NRG1: variants seen among roughly 807,000 people sequenced by gnomAD.
NRG1 encodes neuregulin 1.
A neutral mutation model predicts 63.8 loss-of-function variants in NRG1; 18 were observed. That is an observed-to-expected ratio of 0.28 (90% CI 0.19 to 0.42). The LOEUF is 0.42. NRG1 is among the 10% of genes least tolerant of loss of function. The pLI is 1.00. For missense variants in NRG1, 762 were observed against 814.7 expected (o/e 0.94, Z 0.79); for synonymous variants, 302 against 301.3 (o/e 1.00, Z -0.02).
chr8:32,703,458 G>A (rs1193932547), intron 5 of NRG1, among the ~76,000 whole-genome samples: 15 of 141,744 alleles, frequency 1.1e-4, no homozygotes, highest in East Asian at 8.2e-4. Context: ...TCGCTGTGTC[G>A]CTCAGGCTGG....
rs894963215 is a variant in NRG1, at chr8:32,070,029, C to A, written c.37+430598C>A. ...TAAAGGATAGCCCTGTGAATCTACT[C>A]AAATAGTATCTTTATTTAAGATGTC... On this transcript the variant is annotated intron_variant, in intron 1 of 10. Coordinates refer to the NRG1 transcript ENST00000519301. Among the ~76,000 whole-genome samples, 9 of 152,256 alleles carry A rather than the reference C, an allele frequency of 5.9e-5. No individual in the cohort carries two copies. The East Asian group carries it at 1.7e-3, about 29-fold the overall frequency.
intron 1 of NRG1, among the ~76,000 whole-genome samples, chr8:31,860,811 A>C (rs1352679431): frequency 6.6e-6 from 1 of 152,200 alleles, no homozygotes; most frequent in African/African-American, 2.4e-5. Context: ...AACTTATTTT[A>C]ATAGTTACTT....
At chr8:32,442,594 T>G (rs773055350) in intron 1 of NRG1, 2 of 152,194 alleles carry the variant, frequency 1.3e-5, no homozygotes, top group Admixed American at 6.5e-5. Flanking sequence ...TTTTAAAAAT[T>G]TTCAGATGCT....
At chr8:31,731,148 G>A (rs1814005509) in intron 1 of NRG1, among the ~76,000 whole-genome samples, 1 of 151,996 alleles carries the variant, frequency 6.6e-6, no homozygotes. Flanking sequence ...TTACAAATGA[G>A]CAGACCCAAC....
intron 1 of NRG1, among the ~76,000 whole-genome samples, chr8:31,920,698 G>A (rs1833825255): frequency 6.6e-6 from 1 of 152,080 alleles, no homozygotes; most frequent in African/African-American, 2.4e-5. Context: ...TGGTTTGTCT[G>A]TTTCCCTTGC....
chr8:32,561,608 A>T (rs1052581730), intron 1 of NRG1, among the ~76,000 whole-genome samples: 1 of 152,222 alleles, frequency 6.6e-6, no homozygotes, highest in Non-Finnish European at 1.5e-5. Flanking sequence ...AATTATGTGC[A>T]TGCAAAAAAG....
chr8:31,896,755 A>G (rs1211875725), intron 1 of NRG1, among the ~76,000 whole-genome samples: 1 of 152,160 alleles, frequency 6.6e-6, no homozygotes, highest in African/African-American at 2.4e-5. Context: ...CAAGACCTCA[A>G]CCTAATTGAT....
intron 1 of NRG1, among the ~76,000 whole-genome samples, chr8:32,069,335 A>G (rs1825389591): frequency 6.6e-6 from 1 of 152,224 alleles, no homozygotes; most frequent in Non-Finnish European, 1.5e-5. Flanking sequence ...CATCAATATC[A>G]TTGAGCACGG....
chr8:32,750,147 A>G (rs1485213987), intron 7 of NRG1, among the ~76,000 whole-genome samples: 1 of 152,202 alleles, frequency 6.6e-6, no homozygotes, highest in Admixed American at 6.5e-5. Flanking sequence ...ATACTCAAGC[A>G]CCACCCTAGT....
At chr8:31,777,715 A>G (rs1292242149) in intron 1 of NRG1, among the ~76,000 whole-genome samples, 1 of 152,210 alleles carries the variant, frequency 6.6e-6, no homozygotes, top group Non-Finnish European at 1.5e-5. Context: ...CACCCATGGC[A>G]GAAGGAAAAA....
At chr8:32,376,394 G>A (rs1191629320) in intron 1 of NRG1, among the ~76,000 whole-genome samples, 1 of 152,090 alleles carries the variant, frequency 6.6e-6, no homozygotes, top group Non-Finnish European at 1.5e-5. Flanking sequence ...GCCTAGGGCT[G>A]TCAATCAATG....
At chr8:31,809,085 T>A (rs1268760529) in intron 1 of NRG1, among the ~76,000 whole-genome samples, 5 of 151,976 alleles carry the variant, frequency 3.3e-5, no homozygotes, top group African/African-American at 9.7e-5. Context: ...ACATTCAATA[T>A]TTGTTTCAGC....
At chr8:32,177,754 A>T (rs933098406) in intron 1 of NRG1, among the ~76,000 whole-genome samples, 2 of 152,162 alleles carry the variant, frequency 1.3e-5, no homozygotes, top group Admixed American at 6.5e-5. Context: ...ATGAAAAAAA[A>T]TCATGGGACC....
At chr8:32,346,862 C>T (rs936141371) in intron 1 of NRG1, among the ~76,000 whole-genome samples, 1 of 150,518 alleles carries the variant, frequency 6.6e-6, no homozygotes, top group African/African-American at 2.4e-5. Flanking sequence ...TGGAGTCTTG[C>T]TCTGTTGCCC....
chr8:32,111,079 C>A (rs1831955472), intron 1 of NRG1, among the ~76,000 whole-genome samples: 1 of 152,062 alleles, frequency 6.6e-6, no homozygotes, highest in African/African-American at 2.4e-5. Flanking sequence ...GATTCGTATT[C>A]TTCCCTAAGG....
intron 1 of NRG1, among the ~76,000 whole-genome samples, chr8:32,314,244 A>G (rs1586774409): frequency 6.6e-6 from 1 of 152,108 alleles, no homozygotes; most frequent in Non-Finnish European, 1.5e-5. Context: ...CTTTGGAAAG[A>G]GTCTTGGAGC....
intron 1 of NRG1, among the ~76,000 whole-genome samples, chr8:32,370,434 A>G (rs1411998114): frequency 6.6e-6 from 1 of 152,168 alleles, no homozygotes; most frequent in Admixed American, 6.5e-5. Context: ...TTGAATCCCT[A>G]TCCTACAAAA....
At chr8:32,545,306 C>A (rs1832965391), upstream of NRG1, among the ~76,000 whole-genome samples, 2 of 152,054 alleles carry the variant, frequency 1.3e-5, no homozygotes, top group African/African-American at 2.4e-5. Flanking sequence ...TCTTTAATGC[C>A]CAAGGTGTTT....
chr8:31,724,998 G>C (rs1054922994), intron 1 of NRG1, among the ~76,000 whole-genome samples: 1 of 152,142 alleles, frequency 6.6e-6, no homozygotes, highest in Non-Finnish European at 1.5e-5. Flanking sequence ...GGGCTGCTCT[G>C]TTCCAATAAA....
Sources: allele counts gnomAD v4.1 joint callset (sites outside exome capture counted in the v4.1 genomes callset), GRCh38; gene constraint gnomAD v4.1.1; transcripts MANE v1.5; gene names NCBI Gene and HGNC (gene_info 2026-07-23, HGNC 2026-07-21).